The following CDH7 variants were observed in gnomAD, a reference collection of about 807,000 sequenced individuals.
CDH7 encodes cadherin 7.
Under a neutral mutation model 71.8 loss-of-function variants are expected in CDH7, and 25 were observed. The ratio of observed to expected loss-of-function variants is 0.35; its 90% confidence interval spans 0.25 to 0.49. CDH7 has a LOEUF of 0.49. Among genes scored for constraint, CDH7 ranks in the 20% least tolerant of loss-of-function variants. CDH7 has a pLI of 0.99. For synonymous variants in CDH7, 381 were observed against 363.8 expected, an observed-to-expected ratio of 1.05 and a Z score of -0.54; for missense variants, 862 against 974.6, an observed-to-expected ratio of 0.88 and a Z score of 1.54.
In CDH7 at chr18:65,769,738, G is replaced by A. The variant is rs143962086; in HGVS notation, c.210+6686G>A. ...GTCATTCTTGACCCATAATTGGGTAGAACATTTTATAATATGGGCCTGTCT... is the reference window on the plus strand; with the variant it reads ...GTCATTCTTGACCCATAATTGGGTAAAACATTTTATAATATGGGCCTGTCT... On this transcript the variant is annotated intron_variant, in intron 2 of 11. Transcript: ENST00000397968. Among the ~76,000 whole-genome samples, 404 of 152,236 alleles carry A rather than the reference G, an allele frequency of 2.7e-3. 4 individuals are homozygous for A. Among genetic ancestry groups the A allele is most frequent in the African/African-American group, 9.4e-3 (389 of 41,554 alleles).
chr18:65,825,356 A>G (rs927802404), intron 6 of CDH7, among the ~76,000 whole-genome samples: 10 of 151,914 alleles, frequency 6.6e-5, no homozygotes, highest in African/African-American at 2.4e-4. Flanking sequence ...TGTAAAACCT[A>G]TCATACTTTC....
In CDH7 at chr18:65,886,284, T is replaced by C. The variant is rs2144084251; in HGVS notation, c.*5390T>C. The C allele has an allele frequency of 6.6e-6, 1 of 152,316 alleles. No homozygotes were observed. Among genetic ancestry groups the C allele is most frequent in the South Asian group, 2.1e-4 (1 of 4,832 alleles). The allele number at this position is 152,316 out of a possible 1,614,324, so 9.4% of individuals were successfully genotyped here. A position where few individuals can be genotyped will look rare whatever the true frequency, so the allele number is the denominator to read the frequency against. Reference sequence around the variant, plus strand: ...TATAAAAAGGTTGATAATTGTTATATGGTAAACAGAGAATTTCTGTTTGGA... The same window carrying C: ...TATAAAAAGGTTGATAATTGTTATACGGTAAACAGAGAATTTCTGTTTGGA... On this transcript the variant is annotated 3_prime_UTR_variant, in exon 12 of 12. Transcript: ENST00000397968.
At chr18:65,817,489 C>T (rs1314237647) in intron 4 of CDH7, among the ~76,000 whole-genome samples, 1 of 152,036 alleles carries the variant, frequency 6.6e-6, no homozygotes, top group Non-Finnish European at 1.5e-5. Context: ...TGGTTCTTCT[C>T]TGTCTTTTTA....
intron 2 of CDH7, among the ~76,000 whole-genome samples, chr18:65,776,924 A>C (rs192969826): frequency 6.6e-6 from 1 of 152,308 alleles, no homozygotes; most frequent in East Asian, 1.9e-4. Context: ...ATACTTCTAT[A>C]AACAGGCATT....
intron 7 of CDH7, among the ~76,000 whole-genome samples, chr18:65,845,919 G>A (rs967698738): frequency 1.3e-5 from 2 of 151,912 alleles, no homozygotes; most frequent in African/African-American, 4.8e-5. Context: ...GGACAACATA[G>A]TGAGACCCCT....
chr18:65,765,032 T>A (rs1288947600), intron 2 of CDH7, among the ~76,000 whole-genome samples: 1 of 152,106 alleles, frequency 6.6e-6, no homozygotes, highest in East Asian at 1.9e-4. Context: ...AAATATTATG[T>A]ACCTCTCTTC....
At chr18:65,786,441 C>T (rs1910516164) in intron 2 of CDH7, among the ~76,000 whole-genome samples, 1 of 152,090 alleles carries the variant, frequency 6.6e-6, no homozygotes, top group African/African-American at 2.4e-5. Flanking sequence ...TTAGAATGAC[C>T]TATGCAAGTG....
rs999277303 is a variant in CDH7, at chr18:65,846,738, G to A, written c.1235+2673G>A. 7.2e-5 allele frequency among the ~76,000 whole-genome samples: 11 copies of A among 152,190 alleles called. No individual in the cohort carries two copies. The South Asian group carries it at 1.7e-3, about 23-fold the overall frequency. On this transcript the variant is annotated intron_variant, in intron 7 of 11. Coordinates refer to ENST00000397968, the MANE Select transcript of CDH7 (RefSeq NM_004361.5). Reference sequence around the variant, plus strand: ...GCACTGCTGTTTGTGGAATGGCCTCGGAGATGTCACCTTGTCTTCTGTGTT... The same window carrying A: ...GCACTGCTGTTTGTGGAATGGCCTCAGAGATGTCACCTTGTCTTCTGTGTT...
chr18:65,859,182 G>A (rs997989143), intron 9 of CDH7, 136 bp downstream of exon 9: 3 of 764,988 alleles, frequency 3.9e-6, no homozygotes, highest in African/African-American at 3.5e-5. Flanking sequence ...ACTTTGATGT[G>A]TAGCATGAAC....
rs187238140 is a variant in CDH7, at chr18:65,858,853, C to T, written c.1373-72C>T. The T allele has an allele frequency of 3.5e-3, 5,113 of 1,441,388 alleles. 14 individuals carry two copies. The highest frequency in any genetic ancestry group is 4.4e-3 in the Non-Finnish European group (4,557 of 1,040,940). 89.3% of individuals were successfully genotyped at this position (1,441,388 alleles called of 1,614,324 possible). On this transcript the variant is annotated intron_variant, in intron 8 of 11. Coordinates refer to ENST00000397968, the MANE Select transcript of CDH7 (RefSeq NM_004361.5). ...TGATTCTAGATTTCATTCTCAGCTT[C>T]GTCATTTTATTATTAGAATTGTGCT...
intron 7 of CDH7, among the ~76,000 whole-genome samples, chr18:65,847,754 A>T (rs546605158): frequency 6.6e-6 from 1 of 152,254 alleles, no homozygotes; most frequent in South Asian, 2.1e-4. Flanking sequence ...AAACCCCAGT[A>T]ACTGGCCAGA....
At chr18:65,767,089 C>CTTTTTTTTTTTTTTTTTTTTTTTT (rs35258266) in intron 2 of CDH7, among the ~76,000 whole-genome samples, 1 of 139,960 alleles carries the variant, frequency 7.1e-6, no homozygotes, top group Non-Finnish European at 1.5e-5. Flanking sequence ...ATCACTCTTT[C>CTTTTTTTTTTTTTTTTTTTTTTTT]TTTCTTTTTT....
At chr18:65,791,926 G>A (rs932404922) in intron 2 of CDH7, among the ~76,000 whole-genome samples, 17 of 152,016 alleles carry the variant, frequency 1.1e-4, no homozygotes, top group Admixed American at 3.3e-4. Context: ...TTTCTCTGTG[G>A]CCTTTATTTT....
intron 6 of CDH7, among the ~76,000 whole-genome samples, chr18:65,839,139 A>G (rs1274531481): frequency 6.6e-6 from 1 of 152,208 alleles, no homozygotes; most frequent in Non-Finnish European, 1.5e-5. Flanking sequence ...CTCTTTAAAC[A>G]TGGGCTTTTT....
intron 7 of CDH7, among the ~76,000 whole-genome samples, chr18:65,853,928 T>TATATATCC (rs1555689508): frequency 3.1e-4 from 30 of 98,080 alleles, no homozygotes; most frequent in African/African-American, 1.1e-3. Flanking sequence ...TATATATATA[T>TATATATCC]ATATATATAT....
At chr18:65,794,493 A>G (rs1910835061) in intron 2 of CDH7, among the ~76,000 whole-genome samples, 1 of 151,888 alleles carries the variant, frequency 6.6e-6, no homozygotes, top group African/African-American at 2.4e-5. Context: ...TAATGGGTGG[A>G]GTGGAGACAA....
chr18:65,863,422 T>C (rs1462661328), intron 11 of CDH7: 1 of 161,472 alleles, frequency 6.2e-6, no homozygotes, highest in African/African-American at 2.4e-5. Flanking sequence ...GACAAAAAGT[T>C]GTATCAATTT....
At chr18:65,798,969 A>G (rs1157976780) in intron 2 of CDH7, among the ~76,000 whole-genome samples, 2 of 152,032 alleles carry the variant, frequency 1.3e-5, no homozygotes, top group Non-Finnish European at 2.9e-5. Context: ...AGTTCAGGAA[A>G]CAGTTCCTGC....
chr18:65,843,882 G>A lies in CDH7; in HGVS notation c.1052G>A (p.Arg351His), dbSNP rs1269949009. Residue 351 changes from arginine to histidine, a missense_variant, in exon 7 of 12, where the codon CGC (arginine) becomes CAC (histidine). Physicochemically the swap from Arg to His is conservative, Grantham distance 29. Coordinates refer to ENST00000397968, the MANE Select transcript of CDH7 (RefSeq NM_004361.5). ...GCTGCAAATAAAGATGCCGACCCTCGCTTTCTGAGCTTGGGTCCGTTCAGT... is the reference window on the plus strand; with the variant it reads ...GCTGCAAATAAAGATGCCGACCCTCACTTTCTGAGCTTGGGTCCGTTCAGT... ...IEAANKDADP[R>H]FLSLGPFSDT... The A allele has an allele frequency of 1.5e-5, 23 of 1,584,746 alleles. No individual in the cohort carries two copies. Among genetic ancestry groups the A allele is most frequent in the East Asian group, 2.3e-5 (1 of 42,870 alleles).
Sources: gnomAD v4.1 joint callset for allele counts (sites outside exome capture counted in the v4.1 genomes callset) on GRCh38, gnomAD v4.1.1 for gene constraint, MANE v1.5 for transcripts, NCBI Gene and HGNC (gene_info 2026-07-23, HGNC 2026-07-21) for gene names.